The following LARGE1 variants were observed in gnomAD, a reference collection of about 807,000 sequenced individuals.
LARGE1 encodes the protein xylosyl- and glucuronyltransferase LARGE1.
LARGE1 carries 43 observed loss-of-function variants against 87.6 expected under a neutral mutation model. The ratio of observed to expected loss-of-function variants is 0.49; its 90% CI spans 0.38 to 0.63. The LOEUF is 0.63. Among genes scored for constraint, LARGE1 ranks in the 30% least tolerant of loss-of-function variants. LARGE1 has a pLI of 0.00. For synonymous variants in LARGE1, 434 were observed against 394.6 expected (o/e 1.10, Z -1.18); for missense variants, 802 against 1,000.2 (o/e 0.80, Z 2.67).
intron 11 of LARGE1, among the ~76,000 whole-genome samples, chr22:33,217,695 G>A (rs5754487): frequency 0.025 from 3,842 of 152,010 alleles, 62 homozygotes; most frequent in African/African-American, 0.035. Flanking sequence ...AGTATACAGA[G>A]GACTTCAACT....
At chr22:33,122,254 A>AC in the LARGE1 span, among the ~76,000 whole-genome samples, 3 of 150,796 alleles carry the variant, frequency 2.0e-5, no homozygotes, top group Admixed American at 6.6e-5. Flanking sequence ...GAACTGCCTC[A>AC]CCCCCCTCCA....
chr22:33,268,070 C>CA (rs1440444837), downstream of LARGE1, among the ~76,000 whole-genome samples: 2 of 151,276 alleles, frequency 1.3e-5, no homozygotes, highest in African/African-American at 4.9e-5. Context: ...ATTCTCCTCT[C>CA]AGCCTCCCGA....
Position 33,287,731 on chromosome 22 carries a change from G to C in LARGE1, c.1731-4383C>G, listed in dbSNP as rs144388215. ...TAGAATGCAGAGTCTTCCAGGAACA[G>C]TGGGGCAGGACGATGAGTGAGAAAG... is the stretch of plus-strand genomic sequence containing the variant. On this transcript the variant is annotated intron_variant, in intron 12 of 14. Transcript: ENST00000397394. Among the ~76,000 whole-genome samples, 8 of 152,360 alleles carry C rather than the reference G, an allele frequency of 5.3e-5. 1 individual carries two copies. The highest frequency in any genetic ancestry group is 1.9e-4 in the African/African-American group (8 of 41,576).
At chr22:33,491,234 G>C (rs560498143) in intron 6 of LARGE1, among the ~76,000 whole-genome samples, 2 of 152,252 alleles carry the variant, frequency 1.3e-5, no homozygotes, top group African/African-American at 4.8e-5. Flanking sequence ...CATTTTAAAA[G>C]CTCGAGGGCA....
At chr22:33,602,857 G>C (rs1231228246) in intron 5 of LARGE1, among the ~76,000 whole-genome samples, 3 of 152,106 alleles carry the variant, frequency 2.0e-5, no homozygotes, top group Non-Finnish European at 4.4e-5. Context: ...GGCTCACAGG[G>C]GACATGGCAC....
chr22:33,785,092 T>G (rs1239338760), intron 1 of LARGE1, among the ~76,000 whole-genome samples: 2 of 147,690 alleles, frequency 1.4e-5, no homozygotes, highest in Non-Finnish European at 3.0e-5. Context: ...CATATGTGTA[T>G]ATACATGTGT....
chr22:33,654,598 G>C (rs2080909245), intron 2 of LARGE1, among the ~76,000 whole-genome samples: 1 of 152,126 alleles, frequency 6.6e-6, no homozygotes, highest in South Asian at 2.1e-4. Context: ...TGACTCTCTG[G>C]GAGCACAAGC....
chr22:33,222,863 T>C (rs1050841881), intron 11 of LARGE1, among the ~76,000 whole-genome samples: 30 of 152,164 alleles, frequency 2.0e-4, no homozygotes, highest in African/African-American at 7.2e-4. Context: ...TAGAGGGGCC[T>C]CCATTTGAGT....
the LARGE1 span, among the ~76,000 whole-genome samples, chr22:33,146,460 T>TA: frequency 6.6e-6 from 1 of 152,186 alleles, no homozygotes; most frequent in Admixed American, 6.5e-5. Flanking sequence ...CAATGACGTG[T>TA]AAGTTAGTAG....
intron 11 of LARGE1, among the ~76,000 whole-genome samples, chr22:33,213,871 CA>C (rs1449195895): frequency 6.6e-6 from 1 of 152,118 alleles, no homozygotes; most frequent in Non-Finnish European, 1.5e-5. Context: ...GTCTGTCCCC[CA>C]GGCTGGAGTG....
At chr22:33,149,842 C>T in the LARGE1 span, among the ~76,000 whole-genome samples, 1,068 of 152,270 alleles carry the variant, frequency 7.0e-3, 8 homozygotes, top group African/African-American at 0.024. Context: ...CCAGTCTTTG[C>T]ATTTCAGAGC....
intron 3 of LARGE1, among the ~76,000 whole-genome samples, chr22:33,630,107 G>A (rs1483811213): frequency 6.6e-6 from 1 of 152,140 alleles, no homozygotes; most frequent in Non-Finnish European, 1.5e-5. Context: ...GCTGAGGCAG[G>A]AGAATCGCTT....
the LARGE1 span, among the ~76,000 whole-genome samples, chr22:33,151,381 T>C: frequency 6.6e-6 from 1 of 152,190 alleles, no homozygotes; most frequent in African/African-American, 2.4e-5. Context: ...TATAGACAAT[T>C]ATGCCATCTG....
chr22:33,722,025 T>C (rs1409867721), intron 2 of LARGE1, among the ~76,000 whole-genome samples: 3 of 152,030 alleles, frequency 2.0e-5, no homozygotes, highest in Non-Finnish European at 4.4e-5. Flanking sequence ...GTCAAGGCGG[T>C]TGGATCACCT....
At chr22:33,560,385 C>A (rs1014918107) in intron 6 of LARGE1, among the ~76,000 whole-genome samples, 1 of 152,098 alleles carries the variant, frequency 6.6e-6, no homozygotes, top group Non-Finnish European at 1.5e-5. Flanking sequence ...GAAGGCAGTG[C>A]CCATGTACGC....
chr22:33,492,070 A>G (rs1170977402), intron 6 of LARGE1, among the ~76,000 whole-genome samples: 2 of 152,232 alleles, frequency 1.3e-5, no homozygotes, highest in East Asian at 3.8e-4. Context: ...GTGTTGAATT[A>G]CTAAATGAGT....
intron 11 of LARGE1, among the ~76,000 whole-genome samples, chr22:33,250,949 G>A (rs1926985909): frequency 6.6e-6 from 1 of 152,136 alleles, no homozygotes; most frequent in African/African-American, 2.4e-5. Context: ...ATATTGGTCT[G>A]TAGTTTTCTT....
chr22:33,505,724 G>C (rs574772060), intron 6 of LARGE1, among the ~76,000 whole-genome samples: 7 of 152,146 alleles, frequency 4.6e-5, no homozygotes, highest in Admixed American at 2.0e-4. Flanking sequence ...CTGATGACTT[G>C]GGTTAGGTGA....
intron 11 of LARGE1, among the ~76,000 whole-genome samples, chr22:33,308,481 CT>C (rs1370159220): frequency 3.3e-5 from 5 of 152,132 alleles, no homozygotes; most frequent in African/African-American, 1.2e-4. Flanking sequence ...ATAATAATGC[CT>C]TTGGTAGATT....
Sources: allele counts gnomAD v4.1 joint callset (sites outside exome capture counted in the v4.1 genomes callset), GRCh38; gene constraint gnomAD v4.1.1; transcripts MANE v1.5; gene names NCBI Gene and HGNC (gene_info 2026-07-23, HGNC 2026-07-21).